Variants in FLNA observed in about 807,000 individuals in gnomAD.
FLNA encodes the protein filamin A, also known as filamin-A.
In FLNA, 7 loss-of-function variants were observed where a neutral mutation model predicts 157.6. The observed-to-expected ratio is 0.04, with a 90% CI of 0.03 to 0.08. FLNA has a LOEUF of 0.08. FLNA is among the 10% of genes least tolerant of loss of function. The pLI is 1.00. For synonymous variants in FLNA, 1,103 were observed against 1,060.8 expected (o/e 1.04, Z -0.77); for missense variants, 1,750 against 2,398.4 (o/e 0.73, Z 5.65).
Position 154,359,775 on chromosome X carries a change from A to T in FLNA, c.3936T>A (p.Arg1312=). ...ACTCCACTTTGTACATGCCATCGCCACGGTCCTGAACGTAGGTCTCCGTCA... is the reference window on the plus strand; with the variant it reads ...ACTCCACTTTGTACATGCCATCGCCTCGGTCCTGAACGTAGGTCTCCGTCA... ...GNLTETYVQD[R]GDGMYKVEYT... is the part of the protein sequence containing the mutation. Residue 1312 remains arginine, a synonymous_variant, in exon 23 of 48, where the codon CGT becomes CGA. Transcript: ENST00000369850. 8.3e-7 allele frequency: 1 copy of T among 1,210,030 alleles called. No homozygotes were observed. The highest frequency in any genetic ancestry group is 1.8e-5 in the South Asian group (1 of 56,938).
At position 154,350,747 on chromosome X, in the gene FLNA, C is replaced by G. The variant is rs781992537; in HGVS notation, c.7156+162G>C. 2.5e-3 allele frequency: 1,381 copies of G among 555,349 alleles called. 3 individuals are homozygous for G. The highest frequency in any genetic ancestry group is 3.7e-3 in the Non-Finnish European group (1,205 of 323,767). 45.8% of individuals were successfully genotyped at this position (555,349 alleles called of 1,213,427 possible). A position where few individuals can be genotyped will look rare whatever the true frequency, so the allele number is the denominator to read the frequency against. Reference sequence around the variant, plus strand: ...ATAGCTGTGGGTGGCGAGCCACATCCCCAGCGGCTTGGGTCACCAATTGGG... The same window carrying G: ...ATAGCTGTGGGTGGCGAGCCACATCGCCAGCGGCTTGGGTCACCAATTGGG... On this transcript the variant is annotated intron_variant, in intron 44 of 47. Coordinates refer to ENST00000369850, the MANE Select transcript of FLNA (RefSeq NM_001110556.2).
chrX:154,358,818 A>G (rs1301448331), intron 26 of FLNA, among the ~76,000 whole-genome samples, 166 bp downstream of exon 26: 1 of 111,540 alleles, frequency 9.0e-6, no homozygotes, highest in Non-Finnish European at 1.9e-5. Context: ...ACCTCCTCCA[A>G]GTCCCCCACC....
Position 154,362,407 on chromosome X carries a change from G to A in FLNA, c.2565+11C>T, listed in dbSNP as rs375833152. 1.3e-5 allele frequency: 16 copies of A among 1,209,715 alleles called. No homozygotes were observed. The highest frequency in any genetic ancestry group is 5.2e-5 in the African/African-American group (3 of 57,432). ...CAATGACATCTTAGCGGCCAGGAGC[G>A]CAGCACCCACCTGGTCAGCAAAGAG... On this transcript the variant is annotated intron_variant, in intron 17 of 47. Coordinates refer to ENST00000369850, the MANE Select transcript of FLNA (RefSeq NM_001110556.2).
rs781906961 is a variant in FLNA, at chrX:154,357,300, G to A, written c.4946-26C>T. Reference sequence around the variant, plus strand: ...CTGAGGTGAGAGGGCAGAGAGCAAGGAGAAAGGTCAGGTGAGTCACTCAAG... The same window carrying A: ...CTGAGGTGAGAGGGCAGAGAGCAAGAAGAAAGGTCAGGTGAGTCACTCAAG... On this transcript the variant is annotated intron_variant, in intron 29 of 47. Coordinates refer to ENST00000369850, the MANE Select transcript of FLNA (RefSeq NM_001110556.2). 1.1e-5 allele frequency: 13 copies of A among 1,209,875 alleles called. No individual in the cohort carries two copies. The South Asian group carries it at 2.3e-4, about 21-fold the overall frequency.
intron 44 of FLNA, chrX:154,350,549 G>C: frequency 2.6e-6 from 1 of 384,036 alleles, no homozygotes; most frequent in Non-Finnish European, 4.6e-6. Context: ...AGCTGGGAAG[G>C]GCAGGACTAG....
intron 2 of FLNA, 125 bp from the exon 3 acceptor site, chrX:154,368,215 T>C: frequency 2.0e-6 from 2 of 977,542 alleles, no homozygotes; most frequent in African/African-American, 1.9e-5. Flanking sequence ...CACCCCCTCT[T>C]GGCCAGTGGT....
chrX:154,353,388 T>C lies in FLNA; in HGVS notation c.5930A>G (p.Glu1977Gly). The C allele has an allele frequency of 3.3e-6, 4 of 1,211,607 alleles. No individual in the cohort carries two copies. The highest frequency in any genetic ancestry group is 4.5e-6 in the Non-Finnish European group (4 of 895,492). Residue 1977 changes from glutamate to glycine, a missense_variant, in exon 37 of 48, where the codon GAG becomes GGG. Transcript: ENST00000369850. ...GGCCGTCAGCAGGCTGAGATCCGTC[T>C]CTGAGATGTTGATGGGGATGTCGGC... ...SAADIPINISETDLSLLTATV... is the reference protein window; with the variant it reads ...SAADIPINISGTDLSLLTATV...
intron 1 of FLNA, 36 bp from the exon 2 acceptor site, chrX:154,371,397 G>A: frequency 5.5e-6 from 4 of 724,236 alleles, no homozygotes; most frequent in Non-Finnish European, 5.9e-6. Context: ...TGCGGGAGGA[G>A]GGCGGGGCCA....
intron 45 of FLNA, 61 bp downstream of exon 45, chrX:154,349,970 G>C: frequency 8.4e-7 from 1 of 1,191,559 alleles, no homozygotes; most frequent in Non-Finnish European, 1.1e-6. Context: ...TTGTCACCAA[G>C]AGCTTGGAGG....
In FLNA at chrX:154,371,190, C is replaced by T; in HGVS notation, c.56G>A (p.Gly19Asp). Residue 19 changes from glycine (G) to aspartate (D), a missense_variant, in exon 2 of 48, where the codon GGC (glycine) becomes GAC (aspartate). Physicochemically the swap from Gly to Asp is moderately conservative, Grantham distance 94 (BLOSUM62 -1). Transcript: ENST00000369850. ...CTCGGCGTCCCGCGTGTCGACGCCG[C>T]CGCCCGGAGCCGCGCCTGCTGCGCT... ...GQSAAGAAPG[G>D]GVDTRDAEMP... is the part of the protein sequence containing the mutation. The T allele has an allele frequency of 8.4e-7, 1 of 1,194,405 alleles. No individual in the cohort carries two copies. Among genetic ancestry groups the T allele is most frequent in the Non-Finnish European group, 1.1e-6 (1 of 887,402 alleles).
intron 28 of FLNA, among the ~76,000 whole-genome samples, chrX:154,357,935 T>A (rs1425689534): frequency 1.8e-5 from 2 of 112,091 alleles, no homozygotes; most frequent in African/African-American, 3.2e-5. Flanking sequence ...ACCTGCCCCA[T>A]GAGAATATTA....
rs782352193 is a variant in FLNA, at chrX:154,354,973, G to A, written c.5069C>T (p.Thr1690Met). The A allele has an allele frequency of 9.9e-6, 12 of 1,211,240 alleles. No homozygotes were observed. Among genetic ancestry groups the A allele is most frequent in the Middle Eastern group, 4.6e-4 (2 of 4,354 alleles). The change falls in exon 31 of 48, where the codon ACG (threonine) becomes ATG (methionine). Residue 1690 changes from threonine (T) to methionine (M), a missense_variant. Thr to Met is a moderately conservative substitution (Grantham distance 81). Transcript: ENST00000369850. ...GKGKVTCTVC[T>M]PDGSEVDVDV... The stretch of plus-strand genomic sequence containing the variant: ...CACATCCACCTCTGAGCCATCAGGC[G>A]TGCACACGGTGCACGTCACTTTGCC...
chrX:154,363,306 C>G (rs1209365281), intron 15 of FLNA, among the ~76,000 whole-genome samples: 1 of 111,446 alleles, frequency 9.0e-6, no homozygotes, highest in Non-Finnish European at 1.9e-5. Flanking sequence ...ATCCCAGCTA[C>G]TCAGGAGGCT....
At chrX:154,351,206 G>GCGCA (rs2067616108) in intron 43 of FLNA, 165 bp from the exon 44 acceptor site, 3 of 538,210 alleles carry the variant, frequency 5.6e-6, no homozygotes, top group Non-Finnish European at 9.4e-6. Flanking sequence ...CAAGCCACAG[G>GCGCA]CGCACATCCC....
At chrX:154,351,846 G>C (rs2067622362) in intron 42 of FLNA, 38 bp downstream of exon 42, 3 of 1,205,629 alleles carry the variant, frequency 2.5e-6, no homozygotes, top group Non-Finnish European at 3.4e-6. Flanking sequence ...CCCACACTCA[G>C]GCCCCACCTC....
chrX:154,364,675 C>T lies in FLNA; in HGVS notation c.1873G>A (p.Asp625Asn), dbSNP rs1557178769. 5.0e-6 allele frequency: 6 copies of T among 1,210,953 alleles called. No homozygotes were observed. In the South Asian group the frequency reaches 5.3e-5, roughly 11 times the overall value. The part of the protein sequence containing the change: ...GPSQAKIECD[D>N]KGDGSCDVRY... Reference sequence around the variant, plus strand: ...ACATCACAGGAGCCGTCGCCCTTGTCGTCACATTCGATCTTAGCCTGCGAT... The same window carrying T: ...ACATCACAGGAGCCGTCGCCCTTGTTGTCACATTCGATCTTAGCCTGCGAT... The change falls in exon 13 of 48, where the codon GAC (aspartate) becomes AAC (asparagine). Residue 625 changes from aspartate (D) to asparagine (N), a missense_variant. Coordinates refer to ENST00000369850, the MANE Select transcript of FLNA (RefSeq NM_001110556.2).
Position 154,358,362 on chromosome X carries a change from G to A in FLNA, c.4599-7C>T. 1 of 1,211,689 alleles carries A rather than the reference G, an allele frequency of 8.3e-7. No individual in the cohort carries two copies. The highest frequency in any genetic ancestry group is 1.1e-6 in the Non-Finnish European group (1 of 895,541). On this transcript the variant is annotated splice_polypyrimidine_tract_variant and splice_region_variant and intron_variant, in intron 27 of 47. Transcript: ENST00000369850. Reference sequence around the variant, plus strand: ...CACCTTGACCTTGAAGGGGCTGTGAGGGATTGGTGTTGTGAGCAGTCAGAC... The same window carrying A: ...CACCTTGACCTTGAAGGGGCTGTGAAGGATTGGTGTTGTGAGCAGTCAGAC...
chrX:154,356,183 G>C (rs1603360123), intron 30 of FLNA, among the ~76,000 whole-genome samples: 1 of 112,013 alleles, frequency 8.9e-6, no homozygotes, highest in South Asian at 3.7e-4. Context: ...TCCCTGCCCG[G>C]CTCCCAGCCA....
chrX:154,357,111 C>A (rs782079843), intron 30 of FLNA, 140 bp downstream of exon 30: 11 of 581,531 alleles, frequency 1.9e-5, no homozygotes, highest in Non-Finnish European at 2.7e-5. Flanking sequence ...CAGCCCACGG[C>A]CTCATCTTCT....
Sources: gnomAD v4.1 joint callset for allele counts (sites outside exome capture counted in the v4.1 genomes callset) on GRCh38, gnomAD v4.1.1 for gene constraint, MANE v1.5 for transcripts, NCBI Gene and HGNC (gene_info 2026-07-23, HGNC 2026-07-21) for gene names.